Variants in R3HCC1L observed in about 807,000 individuals in gnomAD.
R3HCC1L encodes the protein coiled-coil domain-containing protein R3HCC1L.
In R3HCC1L, 51 loss-of-function variants were observed where a neutral mutation model predicts 59.9. That is an observed-to-expected ratio of 0.85 (90% CI 0.68 to 1.07). The LOEUF (loss-of-function observed/expected upper bound fraction) is 1.07, where lower values mean the gene tolerates loss of function less well. Ranked by LOEUF, R3HCC1L falls within the 50% of genes least tolerant of loss-of-function variation. The pLI, the probability that R3HCC1L is intolerant of heterozygous loss-of-function variation, is 0.00. For synonymous variants in R3HCC1L, 322 were observed against 315.2 expected (o/e 1.02, Z -0.23); for missense variants, 965 against 933.0 (o/e 1.03, Z -0.45).
intron 1 of R3HCC1L, among the ~76,000 whole-genome samples, chr10:98,155,121 A>G (rs1846711790): frequency 6.6e-6 from 1 of 151,998 alleles, no homozygotes; most frequent in South Asian, 2.1e-4. Flanking sequence ...AATACTCTCC[A>G]ATTTGGTTGT....
intron 5 of R3HCC1L, among the ~76,000 whole-genome samples, chr10:98,213,520 CA>C (rs1427048720): frequency 6.6e-6 from 1 of 152,056 alleles, no homozygotes; most frequent in Non-Finnish European, 1.5e-5. Context: ...AGGGATAGGA[CA>C]GGGGAAAAAG....
intron 5 of R3HCC1L, among the ~76,000 whole-genome samples, chr10:98,212,641 T>C (rs1364703576): frequency 6.6e-6 from 1 of 152,218 alleles, no homozygotes; most frequent in Non-Finnish European, 1.5e-5. Flanking sequence ...CATGACTTTT[T>C]TTAGCCCTCT....
chr10:98,230,424 G>A (rs1338816102), intron 5 of R3HCC1L, among the ~76,000 whole-genome samples: 1 of 152,078 alleles, frequency 6.6e-6, no homozygotes, highest in African/African-American at 2.4e-5. Flanking sequence ...GATCGGTGGT[G>A]ATATCCCCTT....
intron 4 of R3HCC1L, among the ~76,000 whole-genome samples, chr10:98,176,178 G>T (rs1377150106): frequency 6.6e-6 from 1 of 152,004 alleles, no homozygotes; most frequent in Non-Finnish European, 1.5e-5. Context: ...GATTATTGTA[G>T]CTTTATAGTA....
intron 9 of R3HCC1L, among the ~76,000 whole-genome samples, chr10:98,238,106 T>TA (rs779978008): frequency 2.0e-5 from 3 of 152,248 alleles, no homozygotes; most frequent in African/African-American, 4.8e-5. Flanking sequence ...TATAGGCCTA[T>TA]AATGAGTTAT....
At chr10:98,161,156 G>A (rs562553737) in intron 2 of R3HCC1L, among the ~76,000 whole-genome samples, 48 of 152,240 alleles carry the variant, frequency 3.2e-4, no homozygotes, top group African/African-American at 1.1e-3. Context: ...GGGTATGAGA[G>A]GGTTAGTTTC....
At chr10:98,226,824 T>C (rs1536152) in intron 5 of R3HCC1L, among the ~76,000 whole-genome samples, 48,741 of 152,138 alleles carry the variant, frequency 0.32, 7,997 homozygotes, top group East Asian at 0.48. Flanking sequence ...TTAACTGATA[T>C]CTTCTTGCCC....
chr10:98,175,301 T>C (rs981348452), intron 4 of R3HCC1L, among the ~76,000 whole-genome samples: 3 of 152,178 alleles, frequency 2.0e-5, no homozygotes, highest in Non-Finnish European at 4.4e-5. Context: ...TTTAAAGAGA[T>C]GTCATTTTTT....
Position 98,153,924 on chromosome 10 carries a change from AAG to A in R3HCC1L, c.-267-2164_-267-2163del, listed in dbSNP as rs544389644. On this transcript the variant is annotated intron_variant, in intron 1 of 9. Transcript: ENST00000298999. ...ATTTTCCAAAGACACTTTAGGGTCT[AAG>A]AGAGCTACTAGCTTCAGCTTTTTCA... Among the ~76,000 whole-genome samples, 452 of 152,324 alleles carry A rather than the reference AAG, an allele frequency of 3.0e-3. 4 individuals carry two copies. The highest frequency in any genetic ancestry group is 9.2e-3 in the African/African-American group (383 of 41,578).
rs113680957 is a variant in R3HCC1L, at chr10:98,187,312, C to T, written c.-14-20789C>T. ...TGTTCATTTCCTTTGAGTGTCATGT[C>T]GGTGCTCAGAATGTTTTGGACTTTG... On this transcript the variant is annotated intron_variant, in intron 4 of 9. Coordinates refer to ENST00000298999, the MANE Select transcript of R3HCC1L (RefSeq NM_001351015.2). Among the ~76,000 whole-genome samples, 232 of 151,934 alleles carry T rather than the reference C, an allele frequency of 1.5e-3. 2 individuals carry two copies. The highest frequency in any genetic ancestry group is 0.01 in the Middle Eastern group (3 of 294).
At chr10:98,154,834 A>G (rs1400335798) in intron 1 of R3HCC1L, among the ~76,000 whole-genome samples, 3 of 152,228 alleles carry the variant, frequency 2.0e-5, no homozygotes, top group Non-Finnish European at 4.4e-5. Flanking sequence ...ACTCTTGTCA[A>G]ATTGCATCAA....
Position 98,209,526 on chromosome 10 carries a change from C to T in R3HCC1L, c.1412C>T (p.Ser471Phe). 1 of 1,613,862 alleles carries T rather than the reference C, an allele frequency of 6.2e-7. No homozygotes were observed. Among genetic ancestry groups the T allele is most frequent in the Non-Finnish European group, 8.5e-7 (1 of 1,179,952 alleles). The change falls in exon 5 of 10, where the codon TCC becomes TTC. Residue 471 changes from serine (S) to phenylalanine (F), a missense_variant. By Grantham distance (155) the Ser-to-Phe change is radical. Coordinates refer to ENST00000298999, the MANE Select transcript of R3HCC1L (RefSeq NM_001351015.2). ...ATAGAGAGCTTGTCAGATTGTGCTTCCTCCTTACCTATAAAAAAGATTGCT... is the reference window on the plus strand; with the variant it reads ...ATAGAGAGCTTGTCAGATTGTGCTTTCTCCTTACCTATAAAAAAGATTGCT... ...KLIESLSDCA[S>F]SLPIKKIAGS...
chr10:98,179,937 T>G (rs1419199804), intron 4 of R3HCC1L, among the ~76,000 whole-genome samples: 2 of 152,224 alleles, frequency 1.3e-5, no homozygotes, highest in Non-Finnish European at 2.9e-5. Flanking sequence ...TTATTGCATC[T>G]ATTTGATTCT....
At chr10:98,218,509 A>G (rs1334236651) in intron 5 of R3HCC1L, among the ~76,000 whole-genome samples, 1 of 152,078 alleles carries the variant, frequency 6.6e-6, no homozygotes. Flanking sequence ...TTTCATTGAT[A>G]CTTTGTATTT....
chr10:98,142,130 C>G (rs1399643555), intron 1 of R3HCC1L, among the ~76,000 whole-genome samples: 1 of 152,166 alleles, frequency 6.6e-6, no homozygotes, highest in Non-Finnish European at 1.5e-5. Flanking sequence ...CTTTTAAGCT[C>G]TGAACAAGAT....
chr10:98,226,943 GT>G (rs1466443388), intron 5 of R3HCC1L, among the ~76,000 whole-genome samples: 2 of 152,232 alleles, frequency 1.3e-5, no homozygotes, highest in East Asian at 1.9e-4. Flanking sequence ...AAGATAAGCA[GT>G]TTCCCTTGTT....
At chr10:98,237,088 A>G (rs1451377815) in intron 9 of R3HCC1L, among the ~76,000 whole-genome samples, 4 of 152,170 alleles carry the variant, frequency 2.6e-5, no homozygotes, top group Non-Finnish European at 5.9e-5. Flanking sequence ...TCCCAGCTGC[A>G]CTGGCCAGAT....
intron 1 of R3HCC1L, among the ~76,000 whole-genome samples, chr10:98,134,925 T>C (rs1490814783): frequency 6.6e-6 from 1 of 152,116 alleles, no homozygotes; most frequent in Non-Finnish European, 1.5e-5. Flanking sequence ...AGAGGGACCC[T>C]CCCGGGGCTC....
At chr10:98,242,468 C>T (rs549229504) in intron 9 of R3HCC1L, among the ~76,000 whole-genome samples, 14 of 152,280 alleles carry the variant, frequency 9.2e-5, no homozygotes, top group African/African-American at 3.4e-4. Flanking sequence ...TGACTGTTCA[C>T]ACTAAATGGG....
Sources: gnomAD v4.1 joint callset for allele counts (sites outside exome capture counted in the v4.1 genomes callset) on GRCh38, gnomAD v4.1.1 for gene constraint, MANE v1.5 for transcripts, NCBI Gene and HGNC (gene_info 2026-07-23, HGNC 2026-07-21) for gene names.